TOX: variants seen among roughly 807,000 people sequenced by gnomAD.
TOX encodes the protein thymocyte selection associated high mobility group box, also known as thymocyte selection-associated high mobility group box protein TOX.
In TOX, 11 loss-of-function variants were observed where a neutral mutation model predicts 53.7. That is an observed-to-expected ratio of 0.20 (90% confidence interval 0.13 to 0.34). The LOEUF (loss-of-function observed/expected upper bound fraction) is 0.34. TOX is among the 10% of genes least tolerant of loss of function. TOX has a pLI of 1.00. For missense variants in TOX, 570 were observed against 664.6 expected (o/e 0.86, Z 1.56); for synonymous variants, 225 against 245.3 (o/e 0.92, Z 0.77).
chr8:59,072,158 C>T (rs565432146), intron 1 of TOX, among the ~76,000 whole-genome samples: 2 of 152,242 alleles, frequency 1.3e-5, no homozygotes, highest in South Asian at 4.1e-4. Flanking sequence ...CAAGTATATG[C>T]TTTTGTTAGG....
intron 2 of TOX, among the ~76,000 whole-genome samples, chr8:58,952,607 T>C: frequency 6.6e-6 from 1 of 152,222 alleles, no homozygotes; most frequent in Non-Finnish European, 1.5e-5. Context: ...TGCCTAAATA[T>C]GCTGGCATCA....
At chr8:59,030,997 T>C (rs1041042770) in intron 1 of TOX, among the ~76,000 whole-genome samples, 1 of 152,184 alleles carries the variant, frequency 6.6e-6, no homozygotes, top group African/African-American at 2.4e-5. Context: ...AATACAATTA[T>C]CAACTAAGAT....
chr8:59,070,677 C>T (rs1169843770), intron 1 of TOX, among the ~76,000 whole-genome samples: 1 of 151,980 alleles, frequency 6.6e-6, no homozygotes, highest in Non-Finnish European at 1.5e-5. Context: ...CCAAGAGCAA[C>T]AAGAAAAGAA....
At chr8:59,077,022 AT>A (rs1282735513) in intron 1 of TOX, among the ~76,000 whole-genome samples, 2 of 152,196 alleles carry the variant, frequency 1.3e-5, no homozygotes, top group Non-Finnish European at 2.9e-5. Context: ...GCATTTTCTC[AT>A]TTTACTGAAA....
At chr8:58,930,807 C>T (rs1443227300) in intron 3 of TOX, among the ~76,000 whole-genome samples, 2 of 152,076 alleles carry the variant, frequency 1.3e-5, no homozygotes, top group Non-Finnish European at 2.9e-5. Flanking sequence ...TGCTGCTTTC[C>T]CCAAACTGCC....
At chr8:59,092,395 T>C (rs1038870435) in intron 1 of TOX, among the ~76,000 whole-genome samples, 1 of 134,812 alleles carries the variant, frequency 7.4e-6, no homozygotes, top group Non-Finnish European at 1.5e-5. Flanking sequence ...CTTGCTGGTA[T>C]AAAAAAAGTT....
At chr8:58,814,056 C>T (rs1810130651) in intron 7 of TOX, among the ~76,000 whole-genome samples, 1 of 152,152 alleles carries the variant, frequency 6.6e-6, no homozygotes, top group African/African-American at 2.4e-5. Context: ...CTCATACCCA[C>T]ACTATAAGTT....
chr8:59,068,323 T>C (rs754080087), intron 1 of TOX, among the ~76,000 whole-genome samples: 7 of 151,730 alleles, frequency 4.6e-5, no homozygotes, highest in Non-Finnish European at 1.0e-4. Flanking sequence ...TTAAATATAA[T>C]ATAGTCTCAG....
chr8:58,900,604 C>T (rs539405611), intron 3 of TOX, among the ~76,000 whole-genome samples: 6 of 152,188 alleles, frequency 3.9e-5, no homozygotes, highest in African/African-American at 1.4e-4. Context: ...TACAATATGA[C>T]AATTTCAAAA....
At chr8:58,959,758 A>G (rs925963319) in intron 2 of TOX, among the ~76,000 whole-genome samples, 185 bp downstream of exon 2, 3 of 152,236 alleles carry the variant, frequency 2.0e-5, no homozygotes, top group Non-Finnish European at 2.9e-5. Context: ...CTTTCAACAA[A>G]TGCCAACTCT....
At chr8:58,977,868 A>G (rs1813132852) in intron 1 of TOX, among the ~76,000 whole-genome samples, 1 of 152,240 alleles carries the variant, frequency 6.6e-6, no homozygotes, top group South Asian at 2.1e-4. Flanking sequence ...CACTAATCAC[A>G]GATTACCATG....
intron 3 of TOX, among the ~76,000 whole-genome samples, chr8:58,864,491 A>C (rs1458145346): frequency 6.6e-6 from 1 of 152,208 alleles, no homozygotes; most frequent in Non-Finnish European, 1.5e-5. Flanking sequence ...TAACGTTTCA[A>C]AAATAACTTG....
chr8:58,816,546 T>A (rs1173091974), intron 6 of TOX, among the ~76,000 whole-genome samples: 1 of 152,152 alleles, frequency 6.6e-6, no homozygotes. Context: ...GGCCTGAACC[T>A]ACCTCCTACA....
At chr8:58,829,567 T>A in intron 5 of TOX, among the ~76,000 whole-genome samples, 1 of 152,160 alleles carries the variant, frequency 6.6e-6, no homozygotes, top group East Asian at 1.9e-4. Flanking sequence ...TGTAATTGTG[T>A]TGAAAGGGGA....
chr8:59,074,221 G>T (rs1339487990), intron 1 of TOX, among the ~76,000 whole-genome samples: 1 of 152,128 alleles, frequency 6.6e-6, no homozygotes, highest in Non-Finnish European at 1.5e-5. Context: ...TAATAGTGCT[G>T]CTCAAGTACT....
At chr8:59,078,092 T>C (rs1804327129) in intron 1 of TOX, among the ~76,000 whole-genome samples, 1 of 152,080 alleles carries the variant, frequency 6.6e-6, no homozygotes, top group Non-Finnish European at 1.5e-5. Context: ...TCACCAAAAG[T>C]CATAAAGCTT....
At chr8:58,821,975 G>T (rs992930842) in intron 6 of TOX, among the ~76,000 whole-genome samples, 1 of 152,126 alleles carries the variant, frequency 6.6e-6, no homozygotes, top group African/African-American at 2.4e-5. Context: ...GTATGATAGA[G>T]GTGGCACTTT....
chr8:58,985,870 T>C (rs1050922953), intron 1 of TOX, among the ~76,000 whole-genome samples: 5 of 152,128 alleles, frequency 3.3e-5, no homozygotes, highest in Admixed American at 1.3e-4. Flanking sequence ...TATGGACAAA[T>C]TGGAAATTTG....
chr8:59,098,162 C>T (rs1476134986), intron 1 of TOX, among the ~76,000 whole-genome samples: 1 of 152,132 alleles, frequency 6.6e-6, no homozygotes, highest in African/African-American at 2.4e-5. Flanking sequence ...TGCCGGAGCG[C>T]CAGCAGCCAG....
Sources: gnomAD v4.1 joint callset for allele counts (sites outside exome capture counted in the v4.1 genomes callset) on GRCh38, gnomAD v4.1.1 for gene constraint, MANE v1.5 for transcripts, NCBI Gene and HGNC (gene_info 2026-07-23, HGNC 2026-07-21) for gene names.